Variants in CTNNA3 observed in about 807,000 individuals in gnomAD.
CTNNA3 encodes the protein catenin alpha-3.
In CTNNA3, 76 loss-of-function variants were observed where a neutral mutation model predicts 95.7. The ratio of observed to expected loss-of-function variants is 0.79; its 90% CI spans 0.66 to 0.96. The LOEUF (loss-of-function observed/expected upper bound fraction) is 0.96. Ranked by LOEUF, CTNNA3 falls within the 40% of genes least tolerant of loss-of-function variation. CTNNA3 has a pLI of 0.00. For missense variants in CTNNA3, 1,191 were observed against 1,089.8 expected, an observed-to-expected ratio of 1.09 and a Z score of -1.31; for synonymous variants, 431 against 374.4, an observed-to-expected ratio of 1.15 and a Z score of -1.74.
chr10:67,145,041 G>C (rs936120716), intron 7 of CTNNA3, among the ~76,000 whole-genome samples: 2 of 152,104 alleles, frequency 1.3e-5, no homozygotes, highest in African/African-American at 4.8e-5. Context: ...TTGTTTCACA[G>C]GGAATAAGCA....
chr10:66,362,092 C>A (rs1037197133), intron 12 of CTNNA3, among the ~76,000 whole-genome samples: 6 of 137,850 alleles, frequency 4.4e-5, no homozygotes, highest in Non-Finnish European at 7.6e-5. Context: ...GAGGTTCATA[C>A]ACAATTTTTT....
intron 5 of CTNNA3, among the ~76,000 whole-genome samples, chr10:67,387,570 G>T (rs543726311): frequency 6.6e-6 from 1 of 152,194 alleles, no homozygotes; most frequent in Non-Finnish European, 1.5e-5. Context: ...AGCTCAAGGA[G>T]GCCTGCCTGC....
chr10:67,754,854 A>G (rs1841424665), intron 1 of CTNNA3, among the ~76,000 whole-genome samples: 1 of 152,308 alleles, frequency 6.6e-6, no homozygotes, highest in Admixed American at 6.5e-5. Context: ...AAAAATGACA[A>G]TAATCTGATC....
chr10:67,434,141 C>T (rs567719838), intron 5 of CTNNA3, among the ~76,000 whole-genome samples: 1 of 152,002 alleles, frequency 6.6e-6, no homozygotes, highest in South Asian at 2.1e-4. Context: ...TAATATATTC[C>T]TAAAACCTAA....
intron 3 of CTNNA3, among the ~76,000 whole-genome samples, chr10:67,546,984 C>G (rs1467249798): frequency 6.6e-6 from 1 of 152,008 alleles, no homozygotes; most frequent in Non-Finnish European, 1.5e-5. Flanking sequence ...TAAATGATAC[C>G]TAACCCTTAC....
chr10:67,718,499 G>C (rs946128438), intron 1 of CTNNA3, among the ~76,000 whole-genome samples: 7 of 152,160 alleles, frequency 4.6e-5, no homozygotes, highest in African/African-American at 1.4e-4. Flanking sequence ...CTAGTTTACT[G>C]AAGGTTTTTA....
At chr10:66,043,672 C>T (rs754502880) in intron 15 of CTNNA3, among the ~76,000 whole-genome samples, 9 of 152,132 alleles carry the variant, frequency 5.9e-5, no homozygotes, top group Non-Finnish European at 1.2e-4. Flanking sequence ...TGTGATATGA[C>T]TCAACTTGAC....
intron 7 of CTNNA3, among the ~76,000 whole-genome samples, chr10:67,153,381 C>G (rs1381579355): frequency 6.6e-6 from 1 of 152,206 alleles, no homozygotes. Flanking sequence ...TTAAGCCTCT[C>G]ATGTGATAAT....
At chr10:66,096,999 A>G (rs2081419692) in intron 14 of CTNNA3, among the ~76,000 whole-genome samples, 1 of 152,080 alleles carries the variant, frequency 6.6e-6, no homozygotes, top group South Asian at 2.1e-4. Context: ...TATTGGGTCA[A>G]CTTTTCGGTG....
chr10:66,831,711 A>G (rs919618622), intron 7 of CTNNA3, among the ~76,000 whole-genome samples: 1 of 152,222 alleles, frequency 6.6e-6, no homozygotes, highest in Non-Finnish European at 1.5e-5. Flanking sequence ...GGGAAGGAGC[A>G]TGAGATGCAG....
intron 13 of CTNNA3, among the ~76,000 whole-genome samples, chr10:66,267,737 C>T (rs2091189129): frequency 3.9e-5 from 6 of 152,108 alleles, no homozygotes; most frequent in Admixed American, 3.9e-4. Context: ...ATCTCACATT[C>T]CACATACCCT....
intron 4 of CTNNA3, among the ~76,000 whole-genome samples, chr10:67,527,023 G>A (rs764326074): frequency 3.9e-5 from 6 of 152,120 alleles, no homozygotes; most frequent in African/African-American, 7.2e-5. Flanking sequence ...TTGGGAGGCC[G>A]AGGCTGGCAG....
chr10:66,876,465 C>T (rs1207117416), intron 7 of CTNNA3, among the ~76,000 whole-genome samples: 1 of 152,130 alleles, frequency 6.6e-6, no homozygotes, highest in Non-Finnish European at 1.5e-5. Flanking sequence ...CATCTGCCTA[C>T]ACAATATGCA....
chr10:67,690,734 TA>T (rs1840829151), intron 1 of CTNNA3, among the ~76,000 whole-genome samples: 1 of 152,176 alleles, frequency 6.6e-6, no homozygotes, highest in Non-Finnish European at 1.5e-5. Context: ...CAAGAGGAGA[TA>T]AATGTTTATA....
intron 7 of CTNNA3, among the ~76,000 whole-genome samples, chr10:66,983,698 G>A (rs1273310078): frequency 6.6e-6 from 1 of 152,164 alleles, no homozygotes; most frequent in East Asian, 1.9e-4. Context: ...GGCATAGATA[G>A]TTTAGTCTTT....
chr10:67,685,965 T>C (rs1840723388), intron 1 of CTNNA3, among the ~76,000 whole-genome samples: 1 of 152,226 alleles, frequency 6.6e-6, no homozygotes, highest in African/African-American at 2.4e-5. Flanking sequence ...TCTTTCCTTC[T>C]GTCTTTGACT....
intron 7 of CTNNA3, among the ~76,000 whole-genome samples, chr10:66,786,325 C>T (rs1334046394): frequency 6.6e-6 from 1 of 152,132 alleles, no homozygotes; most frequent in African/African-American, 2.4e-5. Flanking sequence ...AGTCAGCCTT[C>T]AGAAACCTGA....
chr10:66,420,838 T>TAAA (rs71466875), intron 11 of CTNNA3, among the ~76,000 whole-genome samples: 3 of 82,994 alleles, frequency 3.6e-5, no homozygotes, highest in Admixed American at 1.4e-4. Flanking sequence ...AATAAATAAA[T>TAAA]AAAAAACAAT....
chr10:65,965,711 G>T (rs527667678), intron 17 of CTNNA3, among the ~76,000 whole-genome samples: 2 of 151,874 alleles, frequency 1.3e-5, no homozygotes, highest in African/African-American at 2.4e-5. Flanking sequence ...CACTACTTTT[G>T]ATGGTGATCC....
Sources: gnomAD v4.1 joint callset for allele counts (sites outside exome capture counted in the v4.1 genomes callset) on GRCh38, gnomAD v4.1.1 for gene constraint, MANE v1.5 for transcripts, NCBI Gene and HGNC (gene_info 2026-07-23, HGNC 2026-07-21) for gene names.